TPCN1: variants seen among roughly 807,000 people sequenced by gnomAD.
TPCN1 encodes two pore segment channel 1, also known as two pore channel protein 1.
A neutral mutation model predicts 108.8 loss-of-function variants in TPCN1; 52 were observed. The ratio of observed to expected loss-of-function variants is 0.48; its 90% CI spans 0.38 to 0.60. The LOEUF (loss-of-function observed/expected upper bound fraction) is 0.60. Ranked by LOEUF, TPCN1 falls within the 20% of genes least tolerant of loss-of-function variation. The probability of loss-of-function intolerance (pLI) is 0.00; values close to 1 mark genes in which losing one functional copy is unlikely to be tolerated. For synonymous variants in TPCN1, 446 were observed against 433.7 expected (o/e 1.03, Z -0.35); for missense variants, 806 against 1,072.8 (o/e 0.75, Z 3.47).
rs901592325 is a variant in TPCN1 at position 113,273,742 on chromosome 12, G to A, written c.942+74G>A. On this transcript the variant is annotated intron_variant, in intron 10 of 27. Coordinates refer to ENST00000335509, the MANE Select transcript of TPCN1 (RefSeq NM_017901.6). This position sits in a 1 kb window ranked among gnomAD's most constrained non-coding sequence, Gnocchi z 4.0. ...TGCAGCACTAGGCACTGTGGGAGTG[G>A]AGAAGTGGGGACTGTCTTCTGCCTC... 4.2e-6 allele frequency: 5 copies of A among 1,180,498 alleles called. No homozygotes were observed. The highest frequency in any genetic ancestry group is 1.9e-4 in the Middle Eastern group (1 of 5,252). The allele number at this position is 1,180,498 out of a possible 1,614,324, so 73.1% of individuals were successfully genotyped here.
At chr12:113,290,031 C>A in intron 21 of TPCN1, 97 bp from the exon 22 acceptor site, 1 of 773,036 alleles carries the variant, frequency 1.3e-6, no homozygotes, top group Non-Finnish European at 2.2e-6. Flanking sequence ...CAGAAGGATC[C>A]TTGGCCAGAA....
intron 17 of TPCN1, 45 bp from the exon 18 acceptor site, chr12:113,285,844 G>C (rs768497924): frequency 6.5e-7 from 1 of 1,532,966 alleles, no homozygotes; most frequent in Non-Finnish European, 9.0e-7. Flanking sequence ...GAGCATGGGG[G>C]AGGATGTGGC....
At chr12:113,255,776 T>C (rs1954810539) in intron 2 of TPCN1, among the ~76,000 whole-genome samples, 1 of 152,018 alleles carries the variant, frequency 6.6e-6, no homozygotes, top group Non-Finnish European at 1.5e-5. Flanking sequence ...GTGATCCACC[T>C]GCCTTGGCCT....
chr12:113,255,666 C>T (rs1954805992), intron 2 of TPCN1, among the ~76,000 whole-genome samples: 1 of 152,038 alleles, frequency 6.6e-6, no homozygotes, highest in African/African-American at 2.4e-5. Context: ...GCTGGGACTA[C>T]AGGCGCATGC....
chr12:113,277,803 G>T (rs1288898540), intron 12 of TPCN1, among the ~76,000 whole-genome samples: 1 of 152,138 alleles, frequency 6.6e-6, no homozygotes, highest in Non-Finnish European at 1.5e-5. Flanking sequence ...ACAGCAGCCT[G>T]CTGTGGAGCT....
At chr12:113,279,174 G>T (rs929835454) in intron 14 of TPCN1, among the ~76,000 whole-genome samples, 6 of 151,392 alleles carry the variant, frequency 4.0e-5, no homozygotes, top group African/African-American at 1.5e-4. Flanking sequence ...TTACCACCCA[G>T]ATAACCACTG....
At chr12:113,279,038 T>C (rs1363981878) in intron 14 of TPCN1, among the ~76,000 whole-genome samples, 2 of 151,854 alleles carry the variant, frequency 1.3e-5, no homozygotes. Context: ...AATGGGTAAC[T>C]TAACCCAACC....
rs753491997 is a variant in TPCN1, at chr12:113,296,136, T to A, written c.*60T>A. The A allele has an allele frequency of 6.9e-6, 11 of 1,587,500 alleles. No individual in the cohort carries two copies. The East Asian group carries it at 2.5e-4, about 36-fold the overall frequency. On this transcript the variant is annotated 3_prime_UTR_variant, in exon 28 of 28. Coordinates refer to ENST00000335509, the MANE Select transcript of TPCN1 (RefSeq NM_017901.6). ...ACACAATAGTATTACTCTACTGCGA[T>A]GTACGGAACTGCGGTGTGTGTACAC...
At chr12:113,270,050 G>T (rs575615596) in intron 7 of TPCN1, among the ~76,000 whole-genome samples, 7 of 152,222 alleles carry the variant, frequency 4.6e-5, no homozygotes, top group Admixed American at 4.6e-4. Flanking sequence ...ACAAAAATTA[G>T]CTGGGCGTGG....
chr12:113,228,788 C>T (rs1593067991), intron 2 of TPCN1, among the ~76,000 whole-genome samples: 1 of 152,336 alleles, frequency 6.6e-6, no homozygotes, highest in East Asian at 1.9e-4. Flanking sequence ...TCCTCCCACA[C>T]CACAGTGGAA....
chr12:113,255,805 C>G (rs991709778), intron 2 of TPCN1, among the ~76,000 whole-genome samples: 1 of 152,128 alleles, frequency 6.6e-6, no homozygotes, highest in African/African-American at 2.4e-5. Context: ...GCTAGGATTA[C>G]AGGCATGAGC....
chr12:113,240,371 T>A (rs2136473141), intron 2 of TPCN1, among the ~76,000 whole-genome samples: 1 of 152,250 alleles, frequency 6.6e-6, no homozygotes, highest in Middle Eastern at 3.4e-3. Flanking sequence ...GGTTGAACAT[T>A]TTCTGAGTGT....
chr12:113,296,253 A>G lies in TPCN1; in HGVS notation c.*177A>G. 9.6e-7 allele frequency: 1 copy of G among 1,039,516 alleles called. No individual in the cohort carries two copies. The allele number at this position is 1,039,516 out of a possible 1,614,324, so 64.4% of individuals were successfully genotyped here. A position where few individuals can be genotyped will look rare whatever the true frequency, so the allele number is the denominator to read the frequency against. ...ATAACCACCTTGCCCTGTCTTCCTT[A>G]ACTCCAGAAGCCAGTTTGGTGAGGG... On this transcript the variant is annotated 3_prime_UTR_variant, in exon 28 of 28. Coordinates refer to ENST00000335509, the MANE Select transcript of TPCN1 (RefSeq NM_017901.6).
rs747474809 is a variant in TPCN1 at position 113,269,005 on chromosome 12, C to G, written c.659+133C>G. The G allele has an allele frequency of 2.7e-5, 28 of 1,022,098 alleles. No individual in the cohort carries two copies. Among genetic ancestry groups the G allele is most frequent in the Non-Finnish European group, 3.9e-5 (27 of 690,178 alleles). 63.3% of individuals were successfully genotyped at this position (1,022,098 alleles called of 1,614,324 possible). A position where few individuals can be genotyped will look rare whatever the true frequency, so the allele number is the denominator to read the frequency against. ...TGCTGGTGGAGTACACGCAGACTCA[C>G]TCTCCCTCTGCCATTCCATCCACGC... On this transcript the variant is annotated intron_variant, in intron 6 of 27. Transcript: ENST00000335509. The surrounding 1 kb of genome is among the most constrained non-coding windows in gnomAD (Gnocchi z 5.0).
chr12:113,268,476 T>C lies in TPCN1; in HGVS notation c.529-266T>C, dbSNP rs372990580. ...GTGGCGAGGGCTGATCGAGGGGTCC[T>C]GGCAGAGTGGCGGTTTTGCCTCCTC... is the stretch of plus-strand genomic sequence containing the variant. On this transcript the variant is annotated intron_variant, in intron 5 of 27. Coordinates refer to ENST00000335509, the MANE Select transcript of TPCN1 (RefSeq NM_017901.6). This position sits in a 1 kb window ranked among gnomAD's most constrained non-coding sequence, Gnocchi z 7.3. Among the ~76,000 whole-genome samples the C allele has an allele frequency of 6.6e-6, 1 of 152,230 alleles. No individual in the cohort carries two copies. The highest frequency in any genetic ancestry group is 2.4e-5 in the African/African-American group (1 of 41,458).
intron 2 of TPCN1, among the ~76,000 whole-genome samples, chr12:113,259,203 C>G (rs1954931943): frequency 6.6e-6 from 1 of 152,152 alleles, no homozygotes; most frequent in African/African-American, 2.4e-5. Context: ...TCTTGAACTC[C>G]TGATCTCAGG....
chr12:113,296,550 C>T lies in TPCN1; in HGVS notation c.*474C>T, dbSNP rs1385489253. 1 of 156,686 alleles carries T rather than the reference C, an allele frequency of 6.4e-6. No homozygotes were observed. Among genetic ancestry groups the T allele is most frequent in the Non-Finnish European group, 1.4e-5 (1 of 70,968 alleles). 9.7% of individuals were successfully genotyped at this position (156,686 alleles called of 1,614,324 possible). ...ACAGAACCACTTAGGAAGGAAAGAA[C>T]TCCCGGTCTCCAGGGTGGTATTTCA... On this transcript the variant is annotated 3_prime_UTR_variant, in exon 28 of 28. Coordinates refer to ENST00000335509, the MANE Select transcript of TPCN1 (RefSeq NM_017901.6).
intron 2 of TPCN1, among the ~76,000 whole-genome samples, chr12:113,238,023 C>G (rs906180078): frequency 2.0e-5 from 3 of 152,130 alleles, no homozygotes; most frequent in Non-Finnish European, 4.4e-5. Flanking sequence ...GACACAGTCC[C>G]CTGAACAACC....
intron 2 of TPCN1, among the ~76,000 whole-genome samples, chr12:113,251,291 A>C (rs1161675349): frequency 6.6e-6 from 1 of 152,200 alleles, no homozygotes; most frequent in Non-Finnish European, 1.5e-5. Flanking sequence ...CAATAAAAAG[A>C]ATTATTTCCA....
Sources: allele counts gnomAD v4.1 joint callset (sites outside exome capture counted in the v4.1 genomes callset), GRCh38; gene constraint gnomAD v4.1.1; non-coding constraint Gnocchi (gnomAD v3.1); transcripts MANE v1.5; gene names NCBI Gene and HGNC (gene_info 2026-07-23, HGNC 2026-07-21).